Variants in SOS1 observed in about 807,000 individuals in gnomAD.
The protein encoded by SOS1 is son of sevenless homolog 1.
A neutral mutation model predicts 157.6 loss-of-function variants in SOS1; 25 were observed. That is an observed-to-expected ratio of 0.16 (90% confidence interval 0.12 to 0.22). The LOEUF (loss-of-function observed/expected upper bound fraction) is 0.22. Among genes scored for constraint, SOS1 ranks in the 10% least tolerant of loss-of-function variants. SOS1 has a pLI of 1.00. For missense variants in SOS1, 1,237 were observed against 1,599.1 expected (o/e 0.77, Z 3.86); for synonymous variants, 528 against 534.0 (o/e 0.99, Z 0.16).
At position 38,991,703 on chromosome 2, in the gene SOS1, T is replaced by G. The variant is rs116074552; in HGVS notation, c.3347-2389A>C. On this transcript the variant is annotated intron_variant, in intron 20 of 22. Transcript: ENST00000402219. Reference sequence around the variant, plus strand: ...ATGACCACTCTTGCTCATTCTGAGGTCATCTTTCTATAAGCTTCTCCAGTA... The same window carrying G: ...ATGACCACTCTTGCTCATTCTGAGGGCATCTTTCTATAAGCTTCTCCAGTA... 4.9e-3 allele frequency among the ~76,000 whole-genome samples: 748 copies of G among 152,310 alleles called. 7 individuals are homozygous for G. The highest frequency in any genetic ancestry group is 0.017 in the African/African-American group (716 of 41,566).
Position 39,096,867 on chromosome 2 carries a change from C to G in SOS1, c.87+23469G>C, listed in dbSNP as rs1672785419. ...CGCCACTGCACTACAGCCTGGGCAA[C>G]AGAGCGAGACTCCATCTCAAAAAAA... On this transcript the variant is annotated intron_variant, in intron 1 of 22. Coordinates refer to ENST00000402219, the MANE Select transcript of SOS1 (RefSeq NM_005633.4). Among the ~76,000 whole-genome samples the G allele has an allele frequency of 2.0e-5, 3 of 149,536 alleles. No individual in the cohort carries two copies. The South Asian group carries it at 6.3e-4, about 31-fold the overall frequency.
chr2:39,085,106 C>T (rs1456091790), intron 1 of SOS1, among the ~76,000 whole-genome samples: 2 of 152,104 alleles, frequency 1.3e-5, no homozygotes, highest in Non-Finnish European at 2.9e-5. Flanking sequence ...ACTGCAGTGT[C>T]GTGTTCACAG....
At chr2:39,123,960 G>A (rs1384222705), upstream of SOS1, among the ~76,000 whole-genome samples, 1 of 152,184 alleles carries the variant, frequency 6.6e-6, no homozygotes, top group African/African-American at 2.4e-5. Context: ...AGAAACATGG[G>A]TTACAGCCTG....
chr2:39,106,861 C>T (rs13411678), intron 1 of SOS1, among the ~76,000 whole-genome samples: 11,223 of 152,110 alleles, frequency 0.074, 1,498 homozygotes, highest in African/African-American at 0.26. Flanking sequence ...GCCTCAAGTA[C>T]TCCTGGTTCA....
At chr2:39,058,973 T>C (rs1671308677) in intron 2 of SOS1, among the ~76,000 whole-genome samples, 169 bp from the exon 3 acceptor site, 1 of 152,146 alleles carries the variant, frequency 6.6e-6, no homozygotes, top group Non-Finnish European at 1.5e-5. Context: ...GTCAATGTAT[T>C]AGTTCCTTAA....
intron 5 of SOS1, among the ~76,000 whole-genome samples, chr2:39,054,053 G>A (rs528687912): frequency 1.3e-4 from 19 of 151,934 alleles, no homozygotes; most frequent in African/African-American, 3.6e-4. Context: ...TCAGCCTCCC[G>A]AGTAGCTGGG....
chr2:39,057,277 G>C (rs1671244304), intron 3 of SOS1, among the ~76,000 whole-genome samples: 1 of 152,070 alleles, frequency 6.6e-6, no homozygotes, highest in Non-Finnish European at 1.5e-5. Context: ...ATCTCTACCA[G>C]GCTTATACTT....
At chr2:39,011,626 C>T (rs1283519317) in intron 14 of SOS1, among the ~76,000 whole-genome samples, 1 of 152,076 alleles carries the variant, frequency 6.6e-6, no homozygotes, top group African/African-American at 2.4e-5. Flanking sequence ...ATCAGAAGGA[C>T]ATTTTTGAGA....
At chr2:38,996,862 GA>G in intron 19 of SOS1, 59 bp downstream of exon 19, 1 of 887,154 alleles carries the variant, frequency 1.1e-6, no homozygotes, top group East Asian at 2.4e-5. Flanking sequence ...TACCTTTATG[GA>G]AAACTATATA....
chr2:39,088,397 G>T (rs1672459349), intron 1 of SOS1, among the ~76,000 whole-genome samples: 1 of 150,508 alleles, frequency 6.6e-6, no homozygotes, highest in African/African-American at 2.5e-5. Flanking sequence ...CAGTGACATT[G>T]TTGTGCAACC....
intron 4 of SOS1, among the ~76,000 whole-genome samples, chr2:39,055,295 C>T (rs1671174926): frequency 6.6e-6 from 1 of 152,164 alleles, no homozygotes; most frequent in South Asian, 2.1e-4. Context: ...ACTCTTGCTA[C>T]AACACATCTT....
intron 2 of SOS1, 122 bp downstream of exon 2, chr2:39,067,506 T>C (rs1671629095): frequency 1.1e-6 from 1 of 889,380 alleles, no homozygotes; most frequent in Non-Finnish European, 1.9e-6. Flanking sequence ...AAGAGTTAAA[T>C]CCAGGCTTCA....
chr2:39,023,984 A>G, intron 9 of SOS1, 26 bp downstream of exon 9: 3 of 1,540,242 alleles, frequency 1.9e-6, no homozygotes, highest in South Asian at 1.1e-5. Flanking sequence ...GGAAAAAAGG[A>G]TATTTTAAAA....
intron 17 of SOS1, among the ~76,000 whole-genome samples, chr2:39,003,703 A>AT (rs1669186049): frequency 1.3e-5 from 2 of 152,104 alleles, no homozygotes; most frequent in Admixed American, 1.3e-4. Context: ...ATTTGGGGGC[A>AT]TCCCCCCCCA....
chr2:39,061,684 G>A (rs566676070), intron 2 of SOS1, among the ~76,000 whole-genome samples: 1 of 152,124 alleles, frequency 6.6e-6, no homozygotes, highest in Non-Finnish European at 1.5e-5. Context: ...CACTGCATTC[G>A]GCCTTCATGT....
intron 3 of SOS1, 115 bp downstream of exon 3, chr2:39,058,552 TAGAATG>T: frequency 9.5e-7 from 1 of 1,054,010 alleles, no homozygotes; most frequent in Non-Finnish European, 1.4e-6. Context: ...CTGGAAAACT[TAGAATG>T]AGAGAATTTT....
chr2:39,023,048 G>A lies in SOS1; in HGVS notation c.1380C>T (p.His460=), dbSNP rs1669847798. 1 of 1,613,550 alleles carries A rather than the reference G, an allele frequency of 6.2e-7. No individual in the cohort carries two copies. The highest frequency in any genetic ancestry group is 8.5e-7 in the Non-Finnish European group (1 of 1,179,616). The change falls in exon 10 of 23, where the codon CAC becomes CAT. Residue 460 remains histidine (H), a synonymous_variant. Transcript: ENST00000402219. ...LTRVGAKHER[H]IFLFDGLMIC... ...TCATTAAGCCATCAAAGAGAAATAT[G>A]TGTCTCTCATGTTTGGCTCCTACAC...
At chr2:39,061,925 A>G (rs968804910) in intron 2 of SOS1, among the ~76,000 whole-genome samples, 1 of 152,146 alleles carries the variant, frequency 6.6e-6, no homozygotes, top group African/African-American at 2.4e-5. Flanking sequence ...AAATAGGTTT[A>G]AAAAGATAAT....
chr2:39,034,922 C>G (rs1670290600), intron 8 of SOS1: 1 of 513,788 alleles, frequency 1.9e-6, no homozygotes, highest in Admixed American at 2.3e-5. Flanking sequence ...AGTAAAGGTA[C>G]AAGACAAAAA....
Sources: allele counts gnomAD v4.1 joint callset (sites outside exome capture counted in the v4.1 genomes callset), GRCh38; gene constraint gnomAD v4.1.1; transcripts MANE v1.5; gene names NCBI Gene and HGNC (gene_info 2026-07-23, HGNC 2026-07-21).